The following MTMR3 variants were observed in gnomAD, a reference collection of about 807,000 sequenced individuals.
MTMR3 encodes myotubularin related protein 3.
A neutral mutation model predicts 132.4 loss-of-function variants in MTMR3; 32 were observed. The observed-to-expected ratio is 0.24, with a 90% CI of 0.18 to 0.32. The LOEUF (loss-of-function observed/expected upper bound fraction) is 0.32, where lower values mean the gene tolerates loss of function less well. MTMR3 is among the 10% of genes least tolerant of loss of function. The probability of loss-of-function intolerance (pLI) is 1.00; values close to 1 mark genes in which losing one functional copy is unlikely to be tolerated. For synonymous variants in MTMR3, 556 were observed against 550.3 expected, an observed-to-expected ratio of 1.01 and a Z score of -0.14; for missense variants, 1,216 against 1,489.6, an observed-to-expected ratio of 0.82 and a Z score of 3.02.
At position 30,022,193 on chromosome 22, in the gene MTMR3, T is replaced by G. The variant is rs1191915088; in HGVS notation, c.3336+54T>G. The stretch of plus-strand genomic sequence containing the variant: ...CATCAATTTAACTGTTTTGTGGTTC[T>G]TCTCCACCCCCATTCCCACCCCATA... On this transcript the variant is annotated intron_variant, in intron 18 of 19. Coordinates refer to ENST00000401950, the MANE Select transcript of MTMR3 (RefSeq NM_021090.4). 44 of 1,424,968 alleles carry G rather than the reference T, an allele frequency of 3.1e-5. No individual in the cohort carries two copies. In the East Asian group the frequency reaches 9.1e-4, roughly 30 times the overall value. The allele number at this position is 1,424,968 out of a possible 1,614,324, so 88.3% of individuals were successfully genotyped here. A position where few individuals can be genotyped will look rare whatever the true frequency, so the allele number is the denominator to read the frequency against.
intron 1 of MTMR3, among the ~76,000 whole-genome samples, chr22:29,941,897 C>T (rs1228429007): frequency 6.6e-6 from 1 of 152,202 alleles, no homozygotes; most frequent in Admixed American, 6.5e-5. Flanking sequence ...TAGGAAGATC[C>T]CTTGAGTCCC....
chr22:29,994,742 A>C (rs991544490), intron 7 of MTMR3: 2 of 152,302 alleles, frequency 1.3e-5, no homozygotes, highest in Admixed American at 6.5e-5. Flanking sequence ...AAATTACATA[A>C]TTGTCTTAGT....
chr22:29,941,906 C>T (rs1286006892), intron 1 of MTMR3, among the ~76,000 whole-genome samples: 1 of 152,034 alleles, frequency 6.6e-6, no homozygotes, highest in East Asian at 1.9e-4. Flanking sequence ...CCCTTGAGTC[C>T]CAGGAGTCTG....
intron 2 of MTMR3, among the ~76,000 whole-genome samples, chr22:29,967,853 A>G (rs142097351): frequency 1.3e-5 from 2 of 151,258 alleles, no homozygotes; most frequent in African/African-American, 4.9e-5. Flanking sequence ...TAATGTTTTC[A>G]TCTATGTGTG....
rs1219871762 is a variant in MTMR3, at chr22:29,943,767, TCCCCACCCCCAAA to T, written c.-137-13256_-137-13244del. Among the ~76,000 whole-genome samples the T allele has an allele frequency of 1.7e-4, 14 of 81,284 alleles. No homozygotes were observed. The South Asian group carries it at 4.4e-3, about 26-fold the overall frequency. 53.3% of individuals were successfully genotyped at this position (81,284 alleles called of 152,430 possible). On this transcript the variant is annotated intron_variant, in intron 1 of 19. Coordinates refer to ENST00000401950, the MANE Select transcript of MTMR3 (RefSeq NM_021090.4). ...TTAGTTTAGGCATTTTGCTTCCCCT[TCCCCACCCCCAAA>T]CCCCACCCCCAATGCCAGCTCCTTC...
intron 12 of MTMR3, 122 bp downstream of exon 12, chr22:30,009,251 T>C: frequency 2.9e-6 from 2 of 683,896 alleles, no homozygotes; most frequent in Non-Finnish European, 5.0e-6. Context: ...TCCTTCTGTT[T>C]CTTGGTAATC....
chr22:29,931,282 A>G lies in MTMR3; in HGVS notation c.-137-25754A>G, dbSNP rs118076255. On this transcript the variant is annotated intron_variant, in intron 1 of 19. Coordinates refer to ENST00000401950, the MANE Select transcript of MTMR3 (RefSeq NM_021090.4). ...CCCTTTTTCCATACTTGCCTCTTAA[A>G]TGTTAGTTTCATGGTACTGTTAATC... Among the ~76,000 whole-genome samples the G allele has an allele frequency of 3.8e-3, 572 of 152,294 alleles. 10 individuals are homozygous for G. The East Asian group carries it at 0.057, about 15-fold the overall frequency.
At chr22:30,008,373 T>G in intron 11 of MTMR3, 1 of 221,234 alleles carries the variant, frequency 4.5e-6, no homozygotes, top group Non-Finnish European at 9.2e-6. Flanking sequence ...TTTTGTTGCC[T>G]TTGACAGAGG....
At position 29,991,794 on chromosome 22, in the gene MTMR3, C is replaced by A. The variant is rs142411096; in HGVS notation, c.460+124C>A. On this transcript the variant is annotated intron_variant, in intron 7 of 19. Coordinates refer to ENST00000401950, the MANE Select transcript of MTMR3 (RefSeq NM_021090.4). ...AATCAGTGTATATTTTAAGGAGCAC[C>A]CAGCAAGTGCGCAGCATTCTTTTAA... 650 of 988,064 alleles carry A rather than the reference C, an allele frequency of 6.6e-4. No homozygotes were observed. In the African/African-American group the frequency reaches 9.5e-3, roughly 15 times the overall value. 61.2% of individuals were successfully genotyped at this position (988,064 alleles called of 1,614,324 possible). A position where few individuals can be genotyped will look rare whatever the true frequency, so the allele number is the denominator to read the frequency against.
intron 19 of MTMR3, chr22:30,023,913 TG>T (rs1208994755): frequency 6.2e-6 from 1 of 160,842 alleles, no homozygotes; most frequent in Non-Finnish European, 1.3e-5. Context: ...TGAACAGAGG[TG>T]ATCTTTCCAG....
intron 1 of MTMR3, among the ~76,000 whole-genome samples, chr22:29,916,427 C>T (rs1318090789): frequency 6.6e-6 from 1 of 152,202 alleles, no homozygotes; most frequent in Non-Finnish European, 1.5e-5. Flanking sequence ...ATTTAAGTTT[C>T]TGATTGGGTT....
chr22:29,980,998 C>G (rs1467328266), intron 5 of MTMR3: 1 of 152,216 alleles, frequency 6.6e-6, no homozygotes, highest in Non-Finnish European at 1.5e-5. Context: ...TCTGTGTTCT[C>G]TTTTCGGCCC....
chr22:29,890,617 T>A (rs1339508234), intron 1 of MTMR3, among the ~76,000 whole-genome samples: 3 of 152,224 alleles, frequency 2.0e-5, no homozygotes, highest in Admixed American at 2.0e-4. Flanking sequence ...TATTTCAAAT[T>A]CCCATCAACA....
chr22:29,941,168 C>A (rs2065850496), intron 1 of MTMR3, among the ~76,000 whole-genome samples: 2 of 152,026 alleles, frequency 1.3e-5, no homozygotes, highest in Admixed American at 1.3e-4. Context: ...ATACAATATT[C>A]TTTTCTAACT....
chr22:30,012,679 T>A, intron 13 of MTMR3, 116 bp downstream of exon 13: 1 of 1,171,986 alleles, frequency 8.5e-7, no homozygotes, highest in Non-Finnish European at 1.2e-6. Context: ...ATTTCTGTTT[T>A]GGTCATTGTT....
intron 1 of MTMR3, among the ~76,000 whole-genome samples, chr22:29,955,388 G>A (rs1026194789): frequency 1.3e-5 from 2 of 152,156 alleles, no homozygotes; most frequent in Non-Finnish European, 1.5e-5. Flanking sequence ...AAATACTCAG[G>A]TAGAATTATA....
chr22:30,023,585 G>GC (rs1405199165), intron 19 of MTMR3: 2 of 1,439,198 alleles, frequency 1.4e-6, no homozygotes, highest in African/African-American at 2.8e-5. Context: ...CTAGGGTGAA[G>GC]CCTGGGGCCT....
Position 29,971,920 on chromosome 22 carries a change from G to C in MTMR3, c.3+858G>C, listed in dbSNP as rs569434320. Reference sequence around the variant, plus strand: ...CCAAACTGTTTTATGCTGATGCACAGAGAAGGAATTGAAAAGGCTACATTA... The same window carrying C: ...CCAAACTGTTTTATGCTGATGCACACAGAAGGAATTGAAAAGGCTACATTA... On this transcript the variant is annotated intron_variant, in intron 3 of 19. Transcript: ENST00000401950. Among the ~76,000 whole-genome samples, 4 of 152,324 alleles carry C rather than the reference G, an allele frequency of 2.6e-5. No homozygotes were observed. In the East Asian group the frequency reaches 7.7e-4, roughly 29 times the overall value.
chr22:29,956,313 C>A (rs530921085), intron 1 of MTMR3, among the ~76,000 whole-genome samples: 66 of 152,076 alleles, frequency 4.3e-4, no homozygotes, highest in Admixed American at 1.1e-3. Flanking sequence ...GTGGCGTGAT[C>A]TCGGCTCACT....
Sources: allele counts gnomAD v4.1 joint callset (sites outside exome capture counted in the v4.1 genomes callset), GRCh38; gene constraint gnomAD v4.1.1; transcripts MANE v1.5; gene names NCBI Gene and HGNC (gene_info 2026-07-23, HGNC 2026-07-21).